SPTBN5: variants seen among roughly 807,000 people sequenced by gnomAD.
SPTBN5 encodes the protein spectrin beta chain, non-erythrocytic 5.
SPTBN5 carries 513 observed loss-of-function variants against 477.6 expected under a neutral mutation model. The observed-to-expected ratio is 1.07, with a 90% CI of 1.00 to 1.16. The LOEUF is 1.16. Ranked by LOEUF, SPTBN5 falls within the 50% of genes most tolerant of loss-of-function variation. The pLI is 0.00. For synonymous variants in SPTBN5, 2,169 were observed against 2,011.7 expected (o/e 1.08, Z -2.09); for missense variants, 5,062 against 4,731.8 (o/e 1.07, Z -2.05).
Position 41,893,423 on chromosome 15 carries a change from T to C in SPTBN5, c.75A>G (p.Glu25=). 6.2e-7 allele frequency: 1 copy of C among 1,612,714 alleles called. No homozygotes were observed. Among genetic ancestry groups the C allele is most frequent in the Non-Finnish European group, 8.5e-7 (1 of 1,179,736 alleles). ...AGHRSRRPST[E]LRVPPSPSLT... ...GACTTGGACTGGGCGGGACCCGGAG[T>C]TCTGTGCTGGGCCTCCTGCTGCGGT... The change falls in exon 2 of 68, where the codon GAA becomes GAG. Residue 25 remains glutamate, a synonymous_variant. Transcript: ENST00000320955.
chr15:41,857,540 C>G, intron 50 of SPTBN5, 33 bp downstream of exon 50: 1 of 1,603,724 alleles, frequency 6.2e-7, no homozygotes, highest in Non-Finnish European at 8.5e-7. Flanking sequence ...TCCTGGAGCC[C>G]GGCCAGCCAC....
intron 23 of SPTBN5, 30 bp from the exon 24 acceptor site, chr15:41,874,508 T>C (rs542244931): frequency 1.3e-6 from 2 of 1,555,966 alleles, no homozygotes; most frequent in African/African-American, 1.4e-5. Context: ...ATTGGAGAGG[T>C]TGGGAACAGA....
chr15:41,851,256 C>G (rs970412948), intron 64 of SPTBN5, 27 bp downstream of exon 64: 1 of 1,552,190 alleles, frequency 6.4e-7, no homozygotes. Context: ...ACCCTGATGT[C>G]TGCATCTCCC....
Position 41,876,214 on chromosome 15 carries a change from G to T in SPTBN5, c.4022C>A (p.Pro1341His). The T allele has an allele frequency of 6.2e-7, 1 of 1,604,516 alleles. No individual in the cohort carries two copies. The change falls in exon 21 of 68, where the codon CCC becomes CAC. Residue 1341 changes from proline to histidine, a missense_variant. Physicochemically the swap from Pro to His is moderately conservative, Grantham distance 77 (BLOSUM62 -2). Coordinates refer to ENST00000320955, the MANE Select transcript of SPTBN5 (RefSeq NM_016642.4). ...CAGGATGTTTCTGCGCGCTCCGGAGGGCTCATGCGCAGCCATCAGCCCCTT... is the reference window on the plus strand; with the variant it reads ...CAGGATGTTTCTGCGCGCTCCGGAGTGCTCATGCGCAGCCATCAGCCCCTT... ...EEKGLMAAHE[P>H]SGARRNILQT...
At chr15:41,872,588 C>T in intron 26 of SPTBN5, 129 bp from the exon 27 acceptor site, 1 of 961,166 alleles carries the variant, frequency 1.0e-6, no homozygotes, top group Admixed American at 2.5e-5. Context: ...CCATCTACCT[C>T]AACTCATTCA....
At chr15:41,889,987 G>A (rs1346875400) in intron 4 of SPTBN5, 102 bp downstream of exon 4, 2 of 735,274 alleles carry the variant, frequency 2.7e-6, no homozygotes, top group Admixed American at 4.3e-5. Flanking sequence ...CTCCTATGGG[G>A]ATCATAAAAG....
At chr15:41,863,351 A>G (rs2066182683) in intron 41 of SPTBN5, among the ~76,000 whole-genome samples, 1 of 152,156 alleles carries the variant, frequency 6.6e-6, no homozygotes, top group South Asian at 2.1e-4. Flanking sequence ...GGTTATGTAC[A>G]CAGTCCCAGG....
At chr15:41,881,312 G>A (rs764438908) in intron 12 of SPTBN5, 78 bp from the exon 13 acceptor site, 8 of 1,232,998 alleles carry the variant, frequency 6.5e-6, no homozygotes, top group East Asian at 2.4e-5. Context: ...CCCTACCTCC[G>A]TGCCCTGAGA....
At chr15:41,848,777 C>T in intron 67 of SPTBN5, 149 bp from the exon 68 acceptor site, 4 of 951,414 alleles carry the variant, frequency 4.2e-6, no homozygotes, top group South Asian at 4.0e-5. Context: ...CTGACAGGCG[C>T]TGCAGCAGCG....
intron 9 of SPTBN5, 109 bp downstream of exon 9, chr15:41,882,887 G>A: frequency 2.9e-6 from 4 of 1,357,108 alleles, no homozygotes; most frequent in African/African-American, 1.4e-5. Flanking sequence ...GGAAGTGAGG[G>A]TCAGTGTGGA....
Position 41,860,753 on chromosome 15 carries a change from G to C in SPTBN5, c.7821C>G (p.Pro2607=). ...ACAGAAGGGGCTCCATGGGGGCCAAGGGGTCCTGGTGGGAGTGGGGAACCC... is the reference window on the plus strand; with the variant it reads ...ACAGAAGGGGCTCCATGGGGGCCAACGGGTCCTGGTGGGAGTGGGGAACCC... ...DSLASEGLWD[P]LAPMEPLLWK... The change falls in exon 47 of 68, where the codon CCC becomes CCG. Residue 2607 remains proline (P), a synonymous_variant. Transcript: ENST00000320955. The C allele has an allele frequency of 6.3e-7, 1 of 1,585,612 alleles. No homozygotes were observed. Among genetic ancestry groups the C allele is most frequent in the Non-Finnish European group, 8.6e-7 (1 of 1,167,156 alleles).
intron 33 of SPTBN5, 53 bp downstream of exon 33, chr15:41,868,345 G>A: frequency 6.4e-7 from 1 of 1,573,702 alleles, no homozygotes; most frequent in Non-Finnish European, 8.6e-7. Context: ...CAGGTGGCCA[G>A]GCACAGGCTT....
At chr15:41,851,981 TC>T in intron 62 of SPTBN5, 131 bp from the exon 63 acceptor site, 2 of 941,298 alleles carry the variant, frequency 2.1e-6, no homozygotes, top group Non-Finnish European at 3.2e-6. Context: ...CTGCTTAGCT[TC>T]TAAGATCAGA....
chr15:41,870,523 G>T lies in SPTBN5; in HGVS notation c.5485C>A (p.Arg1829=), dbSNP rs376438875. 20 of 1,611,444 alleles carry T rather than the reference G, an allele frequency of 1.2e-5. No homozygotes were observed. In the African/African-American group the frequency reaches 1.9e-4, roughly 15 times the overall value. ...TCGGTGTCTCGGAGCGCGTGGCCTC[G>T]GGCCTGGGTCAGCTCCCACAGCTCC... ...WSELWELTQA[R]GHALRDTETT... is the part of the protein sequence containing the mutation. The change falls in exon 30 of 68, where the codon CGA becomes AGA. Residue 1829 remains arginine (R), a synonymous_variant. Coordinates refer to ENST00000320955, the MANE Select transcript of SPTBN5 (RefSeq NM_016642.4).
intron 31 of SPTBN5, 88 bp from the exon 32 acceptor site, chr15:41,870,108 C>T (rs1478334060): frequency 4.8e-6 from 7 of 1,444,010 alleles, no homozygotes; most frequent in Middle Eastern, 2.2e-4. Flanking sequence ...ACTCTGGCCC[C>T]CTTGGGCCAC....
chr15:41,879,465 C>A lies in SPTBN5; in HGVS notation c.2977G>T (p.Ala993Ser). The A allele has an allele frequency of 6.3e-7, 1 of 1,591,224 alleles. No homozygotes were observed. The highest frequency in any genetic ancestry group is 8.5e-7 in the Non-Finnish European group (1 of 1,170,884). ...GQLEALKREK[A>S]VQLAHSVEVC... ...TCCACACTGTGTGCCAGCTGCACGG[C>A]CTTCTCCCTCTTCAGGGCCTCCAGC... The change falls in exon 16 of 68, where the codon GCC becomes TCC. Residue 993 changes from alanine (A) to serine (S), a missense_variant. Transcript: ENST00000320955.
At chr15:41,857,772 G>A in intron 49 of SPTBN5, 62 bp from the exon 50 acceptor site, 1 of 1,505,406 alleles carries the variant, frequency 6.6e-7, no homozygotes, top group Non-Finnish European at 8.9e-7. Flanking sequence ...GGGCACTTGT[G>A]TTGACTCTGA....
rs1394751555 is a variant in SPTBN5 at position 41,885,948 on chromosome 15, G to T, written c.1307C>A (p.Ala436Asp). The stretch of plus-strand genomic sequence containing the variant: ...ATCCTTAAGGAAACTCTCCCGGAGG[G>T]CTGCCTTGTGCTGGAAGCGCCGGGC... ...TLARRFQHKA[A>D]LRESFLKDAE... Residue 436 changes from alanine (A) to aspartate (D), a missense_variant, in exon 7 of 68, where the codon GCC (alanine) becomes GAC (aspartate). Physicochemically the swap from Ala to Asp is moderately radical, Grantham distance 126. Coordinates refer to ENST00000320955, the MANE Select transcript of SPTBN5 (RefSeq NM_016642.4). 6.4e-7 allele frequency: 1 copy of T among 1,563,340 alleles called. No homozygotes were observed. Among genetic ancestry groups the T allele is most frequent in the Non-Finnish European group, 8.7e-7 (1 of 1,154,762 alleles).
chr15:41,888,397 C>T (rs191559555), intron 4 of SPTBN5, among the ~76,000 whole-genome samples: 9 of 152,336 alleles, frequency 5.9e-5, no homozygotes, highest in Admixed American at 2.6e-4. Flanking sequence ...GCCCTTCTGA[C>T]GGGCCAGGTG....
Sources: allele counts gnomAD v4.1 joint callset (sites outside exome capture counted in the v4.1 genomes callset), GRCh38; gene constraint gnomAD v4.1.1; transcripts MANE v1.5; gene names NCBI Gene and HGNC (gene_info 2026-07-23, HGNC 2026-07-21).